The following GALNT10 variants were observed in gnomAD, a reference collection of about 807,000 sequenced individuals.
GALNT10 encodes the protein polypeptide N-acetylgalactosaminyltransferase 10.
A neutral mutation model predicts 75.0 loss-of-function variants in GALNT10; 41 were observed. That is an observed-to-expected ratio of 0.55 (90% CI 0.43 to 0.71). The LOEUF (loss-of-function observed/expected upper bound fraction) is 0.71, where lower values mean the gene tolerates loss of function less well. Among genes scored for constraint, GALNT10 ranks in the 30% least tolerant of loss-of-function variants. GALNT10 has a pLI of 0.00. For missense variants in GALNT10, 727 were observed against 818.5 expected (o/e 0.89, Z 1.36); for synonymous variants, 302 against 313.0 (o/e 0.96, Z 0.37).
intron 5 of GALNT10, 71 bp from the exon 6 acceptor site, chr5:154,380,377 C>T: frequency 8.5e-7 from 1 of 1,180,186 alleles, no homozygotes; most frequent in Non-Finnish European, 1.2e-6. Context: ...AAGTAAGCTG[C>T]AGAACAGGAT....
intron 1 of GALNT10, among the ~76,000 whole-genome samples, chr5:154,248,065 A>G (rs1209282086): frequency 6.6e-6 from 1 of 152,202 alleles, no homozygotes; most frequent in Admixed American, 6.5e-5. Context: ...ATCTATTGAG[A>G]TAATCATGTG....
intron 1 of GALNT10, among the ~76,000 whole-genome samples, chr5:154,211,865 A>G (rs1190374027): frequency 6.6e-6 from 1 of 152,174 alleles, no homozygotes; most frequent in Admixed American, 6.5e-5. Context: ...ACCATCCAAG[A>G]GACGGGGAGA....
At chr5:154,359,499 C>G (rs944603278) in intron 4 of GALNT10, among the ~76,000 whole-genome samples, 1 of 147,306 alleles carries the variant, frequency 6.8e-6, no homozygotes, top group Non-Finnish European at 1.5e-5. Context: ...AGTCAGTGAC[C>G]TTCACCTAAA....
At chr5:154,317,247 C>A (rs934453348) in intron 3 of GALNT10, among the ~76,000 whole-genome samples, 13 of 152,174 alleles carry the variant, frequency 8.5e-5, no homozygotes, top group African/African-American at 3.1e-4. Context: ...GTGTCCCATG[C>A]CAGGGAATTG....
chr5:154,338,981 C>T (rs1754987816), intron 4 of GALNT10, among the ~76,000 whole-genome samples: 1 of 152,210 alleles, frequency 6.6e-6, no homozygotes, highest in Non-Finnish European at 1.5e-5. Flanking sequence ...TAAAGCCAGC[C>T]GTGCAGGCAC....
rs547258171 is a variant in GALNT10, at chr5:154,330,975, G to A, written c.568+1237G>A. ...TAGACATTTAACTCAGTTCTTACCC[G>A]GTCTATAAAGTCTTCCCTAACTCTT... On this transcript the variant is annotated intron_variant, in intron 4 of 11. Transcript: ENST00000297107. Among the ~76,000 whole-genome samples the A allele has an allele frequency of 7.3e-5, 11 of 149,858 alleles. No homozygotes were observed. The South Asian group carries it at 1.7e-3, about 23-fold the overall frequency.
At chr5:154,207,333 GGA>G (rs1234726529) in intron 1 of GALNT10, among the ~76,000 whole-genome samples, 2 of 152,158 alleles carry the variant, frequency 1.3e-5, no homozygotes, top group African/African-American at 2.4e-5. Flanking sequence ...AGCTGTCCTG[GGA>G]GCACCTCTGC....
intron 1 of GALNT10, among the ~76,000 whole-genome samples, chr5:154,216,291 T>A (rs1297204699): frequency 6.6e-6 from 1 of 152,206 alleles, no homozygotes; most frequent in Non-Finnish European, 1.5e-5. Flanking sequence ...ATATACTGCA[T>A]TTTTACGTGT....
chr5:154,289,704 G>A (rs540219072), intron 1 of GALNT10, among the ~76,000 whole-genome samples: 195 of 152,308 alleles, frequency 1.3e-3, no homozygotes, highest in Middle Eastern at 3.4e-3. Context: ...TCTAAAAAAG[G>A]TATCTTCCTG....
chr5:154,354,678 G>A (rs550160748), intron 4 of GALNT10, among the ~76,000 whole-genome samples: 9 of 152,154 alleles, frequency 5.9e-5, no homozygotes, highest in African/African-American at 1.2e-4. Context: ...GCATTCGGGT[G>A]GGGGGGTATC....
At chr5:154,249,780 A>G (rs1289797302) in intron 1 of GALNT10, among the ~76,000 whole-genome samples, 1 of 152,206 alleles carries the variant, frequency 6.6e-6, no homozygotes, top group Non-Finnish European at 1.5e-5. Context: ...CCTTTACCCT[A>G]GGCAGCAGAA....
At chr5:154,251,313 T>C (rs1753518414) in intron 1 of GALNT10, among the ~76,000 whole-genome samples, 1 of 152,166 alleles carries the variant, frequency 6.6e-6, no homozygotes, top group Admixed American at 6.6e-5. Context: ...GCCTTACCCA[T>C]TTTTAAGTGT....
chr5:154,282,591 G>A (rs1346993898), intron 1 of GALNT10, among the ~76,000 whole-genome samples: 1 of 152,178 alleles, frequency 6.6e-6, no homozygotes, highest in Non-Finnish European at 1.5e-5. Context: ...GAAGGAAGAA[G>A]GTGGAAGAGT....
chr5:154,399,730 G>A (rs1475160526), intron 7 of GALNT10, among the ~76,000 whole-genome samples: 2 of 152,204 alleles, frequency 1.3e-5, no homozygotes, highest in Admixed American at 6.5e-5. Context: ...CCTCTTACGG[G>A]CAGAGCACTG....
At chr5:154,320,191 C>A (rs751832519) in intron 3 of GALNT10, among the ~76,000 whole-genome samples, 4 of 151,914 alleles carry the variant, frequency 2.6e-5, no homozygotes, top group Non-Finnish European at 5.9e-5. Context: ...AAAGAGAGAT[C>A]AAAAAAAATT....
intron 2 of GALNT10, among the ~76,000 whole-genome samples, chr5:154,296,068 T>C (rs1198298060): frequency 1.3e-5 from 2 of 152,034 alleles, no homozygotes; most frequent in Non-Finnish European, 1.5e-5. Context: ...TGGGTGCTGC[T>C]CTTTTTTTGT....
chr5:154,195,427 C>G (rs1334732230), intron 1 of GALNT10, among the ~76,000 whole-genome samples: 1 of 152,238 alleles, frequency 6.6e-6, no homozygotes, highest in East Asian at 1.9e-4. Context: ...AGCGCATATA[C>G]ACCTGAATTC....
At chr5:154,285,869 C>T (rs1754103392) in intron 1 of GALNT10, among the ~76,000 whole-genome samples, 1 of 152,196 alleles carries the variant, frequency 6.6e-6, no homozygotes, top group African/African-American at 2.4e-5. Context: ...CAGACTTTCC[C>T]TGCTTCTCTG....
At chr5:154,394,318 T>TAAAAAAAAAAA (rs5872377) in intron 7 of GALNT10, among the ~76,000 whole-genome samples, 1 of 124,904 alleles carries the variant, frequency 8.0e-6, no homozygotes, top group African/African-American at 3.1e-5. Context: ...TGAACAGACT[T>TAAAAAAAAAAA]AAAAAAAAAA....
Sources: gnomAD v4.1 joint callset for allele counts (sites outside exome capture counted in the v4.1 genomes callset) on GRCh38, gnomAD v4.1.1 for gene constraint, MANE v1.5 for transcripts, NCBI Gene and HGNC (gene_info 2026-07-23, HGNC 2026-07-21) for gene names.